The following KCTD16 variants were observed in gnomAD, a reference collection of about 807,000 sequenced individuals.
KCTD16 encodes the protein potassium channel tetramerization domain containing 16.
In KCTD16, 13 loss-of-function variants were observed where a neutral mutation model predicts 33.2. The observed-to-expected ratio is 0.39, with a 90% confidence interval of 0.25 to 0.62. The LOEUF (loss-of-function observed/expected upper bound fraction) is 0.62, where lower values mean the gene tolerates loss of function less well. Ranked by LOEUF, KCTD16 falls within the 20% of genes least tolerant of loss-of-function variation. The probability of loss-of-function intolerance (pLI) is 0.50; values close to 1 mark genes in which losing one functional copy is unlikely to be tolerated. For synonymous variants in KCTD16, 197 were observed against 195.3 expected, an observed-to-expected ratio of 1.01 and a Z score of -0.07; for missense variants, 441 against 525.1, an observed-to-expected ratio of 0.84 and a Z score of 1.57.
rs541580938 is a variant in KCTD16 at position 144,320,276 on chromosome 5, A to G, written c.832+112730A>G. ...GTGAAATCTGAGGGCTAAAAAGGAA[A>G]AAGGTATTTGGAAGAAGAATGTATT... On this transcript the variant is annotated intron_variant, in intron 3 of 3. Coordinates refer to ENST00000512467, the MANE Select transcript of KCTD16 (RefSeq NM_020768.4). Among the ~76,000 whole-genome samples, 32 of 152,320 alleles carry G rather than the reference A, an allele frequency of 2.1e-4. No individual in the cohort carries two copies. In the South Asian group the frequency reaches 6.2e-3, roughly 30 times the overall value.
chr5:144,336,658 T>C (rs2126895473), intron 3 of KCTD16, among the ~76,000 whole-genome samples: 1 of 152,322 alleles, frequency 6.6e-6, no homozygotes, highest in Middle Eastern at 3.4e-3. Context: ...AGTAGGCACT[T>C]GGTAAGCCTG....
chr5:144,408,761 A>T (rs768730131), intron 3 of KCTD16, among the ~76,000 whole-genome samples: 15 of 152,092 alleles, frequency 9.9e-5, no homozygotes, highest in Non-Finnish European at 2.2e-4. Flanking sequence ...TTATATGATT[A>T]TCCTCTTTGC....
intron 3 of KCTD16, among the ~76,000 whole-genome samples, chr5:144,422,255 C>T (rs1753228499): frequency 6.6e-6 from 1 of 152,094 alleles, no homozygotes; most frequent in South Asian, 2.1e-4. Flanking sequence ...AATCAGGGAC[C>T]AGGCTTTCTA....
At chr5:144,431,574 A>T (rs1195215759) in intron 3 of KCTD16, among the ~76,000 whole-genome samples, 1 of 152,142 alleles carries the variant, frequency 6.6e-6, no homozygotes, top group Non-Finnish European at 1.5e-5. Context: ...GTTTAAATGC[A>T]GATTGCCAGG....
At chr5:144,325,638 C>T (rs751650889) in intron 3 of KCTD16, among the ~76,000 whole-genome samples, 11 of 152,114 alleles carry the variant, frequency 7.2e-5, no homozygotes, top group Non-Finnish European at 4.4e-5. Flanking sequence ...ATTTATACTT[C>T]TCTTTCAAGT....
chr5:144,315,506 T>C (rs973698117), intron 3 of KCTD16, among the ~76,000 whole-genome samples: 13 of 152,164 alleles, frequency 8.5e-5, no homozygotes, highest in South Asian at 6.2e-4. Context: ...AAATGGAAGT[T>C]CCCTGGAATC....
intron 3 of KCTD16, among the ~76,000 whole-genome samples, chr5:144,373,629 A>G (rs1338193961): frequency 1.3e-5 from 2 of 152,140 alleles, no homozygotes; most frequent in Non-Finnish European, 2.9e-5. Flanking sequence ...GTGATATGTC[A>G]TCTACAGCTC....
At chr5:144,453,240 G>A (rs955648968) in intron 3 of KCTD16, among the ~76,000 whole-genome samples, 2 of 151,896 alleles carry the variant, frequency 1.3e-5, no homozygotes, top group Admixed American at 6.6e-5. Context: ...CCCCTTGGTC[G>A]CCTCTGACAC....
chr5:144,234,608 C>T (rs1039653757), intron 3 of KCTD16, among the ~76,000 whole-genome samples: 22 of 151,936 alleles, frequency 1.4e-4, no homozygotes, highest in African/African-American at 5.1e-4. Context: ...TTTATGAGGC[C>T]GGATAAATCA....
chr5:144,424,682 A>G (rs1032953182), intron 3 of KCTD16, among the ~76,000 whole-genome samples: 1 of 152,160 alleles, frequency 6.6e-6, no homozygotes, highest in East Asian at 1.9e-4. Flanking sequence ...GGATGATTCC[A>G]TGGCAAAAGA....
chr5:144,293,794 T>A (rs1755960233), intron 3 of KCTD16, among the ~76,000 whole-genome samples: 2 of 152,244 alleles, frequency 1.3e-5, no homozygotes, highest in Admixed American at 1.3e-4. Context: ...ACATTTTGCA[T>A]ATAATGTTGA....
intron 3 of KCTD16, among the ~76,000 whole-genome samples, chr5:144,212,138 T>C (rs1753415973): frequency 6.6e-6 from 1 of 152,166 alleles, no homozygotes; most frequent in Non-Finnish European, 1.5e-5. Context: ...GGCTTCATTA[T>C]GAAGTCAGTT....
chr5:144,380,969 C>A (rs1191860454), intron 3 of KCTD16, among the ~76,000 whole-genome samples: 1 of 151,684 alleles, frequency 6.6e-6, no homozygotes, highest in East Asian at 1.9e-4. Flanking sequence ...CAAGTGAGAC[C>A]CCAGAGTTTC....
chr5:144,352,561 G>A (rs534420488), intron 3 of KCTD16, among the ~76,000 whole-genome samples: 7 of 152,186 alleles, frequency 4.6e-5, no homozygotes, highest in Non-Finnish European at 1.0e-4. Flanking sequence ...TCTGGTTTCC[G>A]TGGTTGCAGA....
intron 3 of KCTD16, among the ~76,000 whole-genome samples, chr5:144,399,435 T>G (rs998430164): frequency 2.0e-5 from 3 of 152,188 alleles, no homozygotes; most frequent in African/African-American, 7.2e-5. Flanking sequence ...TTGTTGTTAC[T>G]GCTTATTTAG....
intron 3 of KCTD16, among the ~76,000 whole-genome samples, chr5:144,417,740 T>A (rs1028443044): frequency 2.0e-5 from 3 of 152,200 alleles, no homozygotes; most frequent in Non-Finnish European, 2.9e-5. Flanking sequence ...AGGTCTCCTA[T>A]GTTCATTGAT....
At chr5:144,407,208 T>TG (rs1267926263) in intron 3 of KCTD16, among the ~76,000 whole-genome samples, 2 of 151,328 alleles carry the variant, frequency 1.3e-5, no homozygotes, top group East Asian at 1.9e-4. Context: ...CCTGTTTTTT[T>TG]TTTTTTTTTA....
chr5:144,392,315 T>G (rs991562672), intron 3 of KCTD16, among the ~76,000 whole-genome samples: 7 of 152,152 alleles, frequency 4.6e-5, no homozygotes, highest in African/African-American at 1.7e-4. Flanking sequence ...GTGCTTTGAG[T>G]GGCTCAAATA....
intron 3 of KCTD16, among the ~76,000 whole-genome samples, chr5:144,296,739 T>A (rs1756047963): frequency 6.6e-6 from 1 of 152,032 alleles, no homozygotes; most frequent in Admixed American, 6.6e-5. Flanking sequence ...TAGAAGCAAA[T>A]GTTTTGAGAA....
Sources: allele counts gnomAD v4.1 joint callset (sites outside exome capture counted in the v4.1 genomes callset), GRCh38; gene constraint gnomAD v4.1.1; transcripts MANE v1.5; gene names NCBI Gene and HGNC (gene_info 2026-07-23, HGNC 2026-07-21).